SLC49A3: variants seen among roughly 807,000 people sequenced by gnomAD.
SLC49A3 encodes the protein solute carrier family 49 member 3.
Under a neutral mutation model 43.8 loss-of-function variants are expected in SLC49A3, and 50 were observed. The observed-to-expected ratio is 1.14, with a 90% confidence interval of 0.91 to 1.45. The LOEUF (loss-of-function observed/expected upper bound fraction) is 1.45. SLC49A3 is among the 40% of genes most tolerant of loss of function. The probability of loss-of-function intolerance (pLI) is 0.00; values close to 1 mark genes in which losing one functional copy is unlikely to be tolerated. For missense variants in SLC49A3, 906 were observed against 774.1 expected, an observed-to-expected ratio of 1.17 and a Z score of -2.02; for synonymous variants, 413 against 352.0, an observed-to-expected ratio of 1.17 and a Z score of -1.94.
At chr4:686,475 A>G (rs1741060476) in intron 2 of SLC49A3, 57 bp downstream of exon 2, 2 of 1,582,724 alleles carry the variant, frequency 1.3e-6, no homozygotes, top group Admixed American at 3.5e-5. Context: ...TCTCCTACCC[A>G]AATGCGGGGG....
Position 682,294 on chromosome 4 carries a change from C to T in SLC49A3, c.1344G>A (p.Leu448=). ...AVFFHTPYRR[L]QAESGEPPST... ...AGGGGGGCTCCCCAGACTCGGCCTG[C>T]AGGCGCCGGTATGGGGTGTGGAAGA... Residue 448 remains leucine (L), a synonymous_variant, in exon 10 of 10, where the codon CTG becomes CTA. Coordinates refer to ENST00000322224, the MANE Select transcript of SLC49A3 (RefSeq NM_032219.4). 1 of 1,351,352 alleles carries T rather than the reference C, an allele frequency of 7.4e-7. No individual in the cohort carries two copies. Among genetic ancestry groups the T allele is most frequent in the South Asian group, 2.1e-5 (1 of 48,226 alleles). 83.7% of individuals were successfully genotyped at this position (1,351,352 alleles called of 1,614,324 possible).
chr4:681,734 AGCGCCGCCCCGCCCCCTCCAGCGCCG>A (rs1739668278), downstream of SLC49A3: 1 of 512,042 alleles, frequency 2.0e-6, no homozygotes, highest in African/African-American at 3.2e-5. Context: ...CGCCCCCTCC[AGCGCCGCCCCGCCCCCTCCAGCGCCG>A]CCCTCACCCC....
chr4:677,742 A>T (rs1261239137), downstream of SLC49A3, among the ~76,000 whole-genome samples: 1 of 152,172 alleles, frequency 6.6e-6, no homozygotes, highest in Non-Finnish European at 1.5e-5. Context: ...CCTTGGGAGA[A>T]CAAAGCCTCC....
downstream of SLC49A3, chr4:680,903 C>G: frequency 1.5e-6 from 1 of 686,124 alleles, no homozygotes. Flanking sequence ...TCCCCATCAG[C>G]GGCTCCCCCA....
chr4:682,094 G>A lies in SLC49A3; in HGVS notation c.1544C>T (p.Thr515Ile). Residue 515 changes from threonine (T) to isoleucine (I), a missense_variant, in exon 10 of 10, where the codon ACT becomes ATT. Thr to Ile is a moderately conservative substitution (Grantham distance 89, BLOSUM62 -1). Transcript: ENST00000322224. ...GGCTGCTGGGCCTTGCGCACGGGGA[G>A]TCGCTCGGTGGCAGGCTGGGTGGGG... ...GSPHPACHRA[T>I]PRAQGPAATD... The A allele has an allele frequency of 7.2e-7, 1 of 1,387,760 alleles. No homozygotes were observed. Among genetic ancestry groups the A allele is most frequent in the Non-Finnish European group, 9.4e-7 (1 of 1,059,910 alleles). The allele number at this position is 1,387,760 out of a possible 1,614,324, so 86.0% of individuals were successfully genotyped here. A position where few individuals can be genotyped will look rare whatever the true frequency, so the allele number is the denominator to read the frequency against.
At chr4:690,718 CG>C (rs1249277496), upstream of SLC49A3, among the ~76,000 whole-genome samples, 1 of 152,214 alleles carries the variant, frequency 6.6e-6, no homozygotes, top group East Asian at 1.9e-4. Context: ...CACCATGAAA[CG>C]GGGCAGCCAC....
intron 6 of SLC49A3, 138 bp from the exon 7 acceptor site, chr4:683,899 C>T (rs1204036845): frequency 1.7e-5 from 19 of 1,129,740 alleles, no homozygotes; most frequent in South Asian, 1.6e-4. Context: ...CCAGACGCAC[C>T]GCTGGCTGCC....
Position 682,097 on chromosome 4 carries a change from G to A in SLC49A3, c.1541C>T (p.Ala514Val), listed in dbSNP as rs1472021484. The A allele has an allele frequency of 7.2e-7, 1 of 1,379,912 alleles. No homozygotes were observed. The highest frequency in any genetic ancestry group is 9.5e-7 in the Non-Finnish European group (1 of 1,055,536). 85.5% of individuals were successfully genotyped at this position (1,379,912 alleles called of 1,614,324 possible). Residue 514 changes from alanine (A) to valine (V), a missense_variant, in exon 10 of 10, where the codon GCG becomes GTG. Transcript: ENST00000322224. ...PGSPHPACHR[A>V]TPRAQGPAAT... ...TGCTGGGCCTTGCGCACGGGGAGTC[G>A]CTCGGTGGCAGGCTGGGTGGGGGCT... is the stretch of plus-strand genomic sequence containing the variant.
At position 682,212 on chromosome 4, in the gene SLC49A3, C is replaced by A; in HGVS notation, c.1426G>T (p.Ala476Ser). The change falls in exon 10 of 10, where the codon GCA becomes TCA. Residue 476 changes from alanine (A) to serine (S), a missense_variant. Ala to Ser is a moderately conservative substitution (Grantham distance 99). Coordinates refer to ENST00000322224, the MANE Select transcript of SLC49A3 (RefSeq NM_032219.4). ...GGCCCCAGGACCCCAGCCCTTCCTGCTCCCCCTCGGTCCACACCCGGCCCT... is the reference window on the plus strand; with the variant it reads ...GGCCCCAGGACCCCAGCCCTTCCTGATCCCCCTCGGTCCACACCCGGCCCT... ...DSGPGVDRGG[A>S]GRAGVLGPST... 7.3e-7 allele frequency: 1 copy of A among 1,375,288 alleles called. No individual in the cohort carries two copies. The highest frequency in any genetic ancestry group is 9.5e-7 in the Non-Finnish European group (1 of 1,053,548). The allele number at this position is 1,375,288 out of a possible 1,614,324, so 85.2% of individuals were successfully genotyped here.
At chr4:680,973 G>C, downstream of SLC49A3, 2 of 1,143,082 alleles carry the variant, frequency 1.7e-6, no homozygotes, top group Non-Finnish European at 2.5e-6. Flanking sequence ...ACACTCCAGC[G>C]GGAAGGGCGG....
downstream of SLC49A3, chr4:677,933 C>T (rs552805959): frequency 1.3e-5 from 21 of 1,605,748 alleles, no homozygotes; most frequent in African/African-American, 1.1e-4. Context: ...GAGTGGCAGC[C>T]GGAGTCTGAA....
chr4:681,748 C>A, downstream of SLC49A3: 2 of 1,001,938 alleles, frequency 2.0e-6, no homozygotes, highest in Non-Finnish European at 1.2e-6. Context: ...CCGCCCCGCC[C>A]CCTCCAGCGC....
downstream of SLC49A3, chr4:681,083 C>T (rs748831013): frequency 3.1e-6 from 5 of 1,597,172 alleles, no homozygotes; most frequent in African/African-American, 2.7e-5. Flanking sequence ...CCCCTTTCCT[C>T]GTCCTCAGCA....
At chr4:691,264 C>G (rs1741864265), upstream of SLC49A3, among the ~76,000 whole-genome samples, 2 of 124,410 alleles carry the variant, frequency 1.6e-5, no homozygotes, top group African/African-American at 6.2e-5. Flanking sequence ...GCCTGGGCAA[C>G]AGAGTGAGAC....
chr4:678,149 G>A (rs1739040216), downstream of SLC49A3: 1 of 1,550,158 alleles, frequency 6.5e-7, no homozygotes, highest in Non-Finnish European at 8.7e-7. Flanking sequence ...GCAGGTGTGG[G>A]CGTGTGCTCT....
chr4:678,051 C>G, downstream of SLC49A3: 1 of 1,613,000 alleles, frequency 6.2e-7, no homozygotes, highest in Non-Finnish European at 8.5e-7. Context: ...GCCGTGCATG[C>G]CTGGGGCAGG....
Position 681,838 on chromosome 4 carries a change from G to A in SLC49A3, c.*120C>T, listed in dbSNP as rs1739712547. The A allele has an allele frequency of 6.2e-6, 8 of 1,291,320 alleles. No homozygotes were observed. The South Asian group carries it at 1.0e-4, about 16-fold the overall frequency. The allele number at this position is 1,291,320 out of a possible 1,614,324, so 80.0% of individuals were successfully genotyped here. A position where few individuals can be genotyped will look rare whatever the true frequency, so the allele number is the denominator to read the frequency against. On this transcript the variant is annotated 3_prime_UTR_variant, in exon 10 of 10. Transcript: ENST00000322224. ...CCACACCCGGGGCCGCTGCAGGTGC[G>A]CGCTTGTAATTCGCTCCCGGAGCCC...
chr4:682,333 G>A lies in SLC49A3; in HGVS notation c.1305C>T (p.Cys435=). The stretch of plus-strand genomic sequence containing the variant: ...GGGTGTGGAAGAAGACCGCCAGGAT[G>A]CAGCTGAAGAAGGTGCACAGGCCGG... ...LMAGLCTFFS[C]ILAVFFHTPY... is the part of the protein sequence containing the mutation. The change falls in exon 10 of 10, where the codon TGC becomes TGT. Residue 435 remains cysteine (C), a synonymous_variant. Transcript: ENST00000322224. 1 of 1,349,430 alleles carries A rather than the reference G, an allele frequency of 7.4e-7. No homozygotes were observed. The highest frequency in any genetic ancestry group is 9.6e-7 in the Non-Finnish European group (1 of 1,040,378). 83.6% of individuals were successfully genotyped at this position (1,349,430 alleles called of 1,614,324 possible).
At chr4:688,088 A>T (rs1741403649) in intron 1 of SLC49A3, 1 of 152,372 alleles carries the variant, frequency 6.6e-6, no homozygotes, top group Non-Finnish European at 1.5e-5. Flanking sequence ...GGACCATGAA[A>T]CCAGCCCTGC....
Sources: gnomAD v4.1 joint callset for allele counts (sites outside exome capture counted in the v4.1 genomes callset) on GRCh38, gnomAD v4.1.1 for gene constraint, MANE v1.5 for transcripts, NCBI Gene and HGNC (gene_info 2026-07-23, HGNC 2026-07-21) for gene names.